Variants in PPARGC1A observed in about 807,000 individuals in gnomAD.
PPARGC1A encodes the protein PPARG coactivator 1 alpha, also known as peroxisome proliferator-activated receptor gamma coactivator 1-alpha.
A neutral mutation model predicts 88.7 loss-of-function variants in PPARGC1A; 25 were observed. That is an observed-to-expected ratio of 0.28 (90% confidence interval 0.21 to 0.39). The LOEUF is 0.39. PPARGC1A is among the 10% of genes least tolerant of loss of function. The pLI is 1.00. For synonymous variants in PPARGC1A, 363 were observed against 355.6 expected (o/e 1.02, Z -0.24); for missense variants, 880 against 968.7 (o/e 0.91, Z 1.22).
At chr4:24,111,409 A>G in the PPARGC1A span, among the ~76,000 whole-genome samples, 1 of 152,160 alleles carries the variant, frequency 6.6e-6, no homozygotes, top group African/African-American at 2.4e-5. Context: ...ATTTTTTGAC[A>G]CACATTAATT....
At chr4:24,199,415 T>G in the PPARGC1A span, among the ~76,000 whole-genome samples, 1 of 151,902 alleles carries the variant, frequency 6.6e-6, no homozygotes. Context: ...ACAAATGAGA[T>G]CTGTACAGAG....
chr4:24,163,126 G>A, the PPARGC1A span, among the ~76,000 whole-genome samples: 1 of 148,940 alleles, frequency 6.7e-6, no homozygotes, highest in African/African-American at 2.5e-5. Context: ...AAAAATACAG[G>A]ATCTGATGAT....
At chr4:24,007,964 G>T in the PPARGC1A span, among the ~76,000 whole-genome samples, 2 of 152,092 alleles carry the variant, frequency 1.3e-5, no homozygotes, top group Non-Finnish European at 2.9e-5. Context: ...GTCGTCTCCC[G>T]CTCCTTACAC....
chr4:24,134,835 T>C, the PPARGC1A span, among the ~76,000 whole-genome samples: 1 of 152,242 alleles, frequency 6.6e-6, no homozygotes, highest in Non-Finnish European at 1.5e-5. Flanking sequence ...CTTGCCATCC[T>C]TACAAGTCTC....
the PPARGC1A span, among the ~76,000 whole-genome samples, chr4:24,466,904 G>GAAAAAAAAA: frequency 1.4e-5 from 1 of 71,526 alleles, no homozygotes; most frequent in Non-Finnish European, 3.1e-5. Flanking sequence ...AAAAAAAGAG[G>GAAAAAAAAA]AAGGAAGGAA....
chr4:23,902,431 T>C (rs1719520029), upstream of PPARGC1A, among the ~76,000 whole-genome samples: 2 of 152,196 alleles, frequency 1.3e-5, no homozygotes, highest in African/African-American at 4.8e-5. Flanking sequence ...TTCACAGGGC[T>C]CAGCCTGCAT....
chr4:24,002,282 C>A, the PPARGC1A span, among the ~76,000 whole-genome samples: 1 of 152,186 alleles, frequency 6.6e-6, no homozygotes, highest in Non-Finnish European at 1.5e-5. Context: ...CATGCGCCAC[C>A]ACACCCAGCT....
the PPARGC1A span, among the ~76,000 whole-genome samples, chr4:24,342,055 T>G: frequency 6.6e-6 from 1 of 152,188 alleles, no homozygotes; most frequent in African/African-American, 2.4e-5. Context: ...GTTTCCTCTT[T>G]TAGTACTGAA....
the PPARGC1A span, among the ~76,000 whole-genome samples, chr4:24,080,546 G>A: frequency 3.3e-5 from 5 of 151,936 alleles, no homozygotes; most frequent in African/African-American, 1.2e-4. Flanking sequence ...GTATTAGTAG[G>A]CTGTCATGAG....
the PPARGC1A span, among the ~76,000 whole-genome samples, chr4:24,256,176 C>G: frequency 1.3e-5 from 2 of 152,154 alleles, no homozygotes; most frequent in Admixed American, 6.5e-5. Context: ...CTCTTTTTAT[C>G]CAGAACAAAC....
At chr4:24,243,540 C>G in the PPARGC1A span, among the ~76,000 whole-genome samples, 2 of 152,150 alleles carry the variant, frequency 1.3e-5, no homozygotes, top group East Asian at 3.9e-4. Context: ...AAGAGACCTG[C>G]AGAAATGAAT....
the PPARGC1A span, among the ~76,000 whole-genome samples, chr4:23,968,950 A>G: frequency 2.0e-5 from 3 of 150,688 alleles, no homozygotes; most frequent in Non-Finnish European, 3.0e-5. Flanking sequence ...AAAAACAAAG[A>G]ACTACTGAGG....
the PPARGC1A span, among the ~76,000 whole-genome samples, chr4:24,261,363 A>G: frequency 9.9e-5 from 15 of 152,044 alleles, no homozygotes; most frequent in Admixed American, 9.8e-4. Context: ...CCAGACCCAC[A>G]CACACTTCTG....
At chr4:23,971,143 C>T in the PPARGC1A span, among the ~76,000 whole-genome samples, 3 of 152,208 alleles carry the variant, frequency 2.0e-5, no homozygotes, top group East Asian at 5.8e-4. Context: ...CCCATGGTTT[C>T]ATATGTATAT....
At chr4:24,269,439 G>T in the PPARGC1A span, among the ~76,000 whole-genome samples, 2 of 152,124 alleles carry the variant, frequency 1.3e-5, no homozygotes, top group Non-Finnish European at 2.9e-5. Context: ...ATATAAGATG[G>T]TGATTTGTTC....
the PPARGC1A span, among the ~76,000 whole-genome samples, chr4:23,974,328 A>G: frequency 2.0e-5 from 3 of 152,172 alleles, no homozygotes; most frequent in African/African-American, 2.4e-5. Flanking sequence ...AATACCGACC[A>G]TAACAATTGC....
At chr4:24,210,936 A>G in the PPARGC1A span, among the ~76,000 whole-genome samples, 1 of 151,804 alleles carries the variant, frequency 6.6e-6, no homozygotes, top group African/African-American at 2.4e-5. Context: ...CTCTCTCCTC[A>G]CTCTCCCTAA....
the PPARGC1A span, among the ~76,000 whole-genome samples, chr4:24,226,553 T>G: frequency 3.3e-5 from 5 of 152,340 alleles, no homozygotes; most frequent in African/African-American, 9.6e-5. Context: ...AATTAGCTCC[T>G]CTGGAATAAT....
At chr4:24,373,612 G>A in the PPARGC1A span, among the ~76,000 whole-genome samples, 1 of 152,164 alleles carries the variant, frequency 6.6e-6, no homozygotes, top group Non-Finnish European at 1.5e-5. Flanking sequence ...AATGAGGCAT[G>A]TTATACAAAT....
Sources: allele counts gnomAD v4.1 joint callset (sites outside exome capture counted in the v4.1 genomes callset), GRCh38; gene constraint gnomAD v4.1.1; transcripts MANE v1.5; gene names NCBI Gene and HGNC (gene_info 2026-07-23, HGNC 2026-07-21).